The following FRMPD2 variants were observed in gnomAD, a reference collection of about 807,000 sequenced individuals.
The protein encoded by FRMPD2 is FERM and PDZ domain containing 2.
FRMPD2 carries 96 observed loss-of-function variants against 140.1 expected under a neutral mutation model. The observed-to-expected ratio is 0.69, with a 90% CI of 0.58 to 0.81. The LOEUF (loss-of-function observed/expected upper bound fraction) is 0.81, where lower values mean the gene tolerates loss of function less well. Ranked by LOEUF, FRMPD2 falls within the 40% of genes least tolerant of loss-of-function variation. FRMPD2 has a pLI of 0.00. For synonymous variants in FRMPD2, 449 were observed against 547.6 expected (o/e 0.82, Z 2.52); for missense variants, 1,240 against 1,447.4 (o/e 0.86, Z 2.32).
At chr10:48,206,613 G>T in intron 14 of FRMPD2, 135 bp downstream of exon 14, 1 of 697,964 alleles carries the variant, frequency 1.4e-6, no homozygotes. Context: ...CAGAATGCAG[G>T]TTAACAAACA....
At chr10:48,239,259 T>C (rs982073189) in intron 7 of FRMPD2, among the ~76,000 whole-genome samples, 8 of 152,250 alleles carry the variant, frequency 5.3e-5, no homozygotes, top group Non-Finnish European at 1.0e-4. Flanking sequence ...AAATTCATAA[T>C]TGTTGCTTTT....
intron 1 of FRMPD2, among the ~76,000 whole-genome samples, chr10:48,271,832 A>G (rs974426812): frequency 2.6e-5 from 4 of 152,240 alleles, no homozygotes; most frequent in Non-Finnish European, 5.9e-5. Flanking sequence ...CTCCGAGGTC[A>G]GAGCTGGATT....
chr10:48,198,390 T>C (rs1178362980), intron 15 of FRMPD2, among the ~76,000 whole-genome samples: 1 of 152,156 alleles, frequency 6.6e-6, no homozygotes, highest in African/African-American at 2.4e-5. Context: ...TAAATATAAA[T>C]GGAAGAAAAT....
At position 48,193,804 on chromosome 10, in the gene FRMPD2, T is replaced by G. The variant is rs183218276; in HGVS notation, c.1955-910A>C. On this transcript the variant is annotated intron_variant, in intron 15 of 28. Coordinates refer to ENST00000374201, the MANE Select transcript of FRMPD2 (RefSeq NM_001018071.4). ...CTAGAGCCTGGTGAAGTGCCTCCAT[T>G]TCAAGGATATCCATGGGCATATATT... is the stretch of plus-strand genomic sequence containing the variant. Among the ~76,000 whole-genome samples, 86 of 152,234 alleles carry G rather than the reference T, an allele frequency of 5.6e-4. 1 individual carries two copies. In the East Asian group the frequency reaches 0.012, roughly 22 times the overall value.
chr10:48,200,121 A>G (rs190039021), intron 15 of FRMPD2, among the ~76,000 whole-genome samples: 3 of 151,422 alleles, frequency 2.0e-5, no homozygotes, highest in Admixed American at 1.3e-4. Flanking sequence ...TTTATGTTTC[A>G]TAAGTAAATA....
At chr10:48,227,781 T>G (rs1189184837) in intron 10 of FRMPD2, among the ~76,000 whole-genome samples, 2 of 152,204 alleles carry the variant, frequency 1.3e-5, no homozygotes, top group African/African-American at 4.8e-5. Context: ...TTTTATAAAT[T>G]AACTGTTTTC....
At chr10:48,190,678 G>A (rs1325671416) in intron 16 of FRMPD2, among the ~76,000 whole-genome samples, 2 of 152,172 alleles carry the variant, frequency 1.3e-5, no homozygotes, top group Non-Finnish European at 2.9e-5. Flanking sequence ...CGGGTTACTG[G>A]TAACTTCTGA....
chr10:48,223,599 G>C (rs906975862), intron 10 of FRMPD2, among the ~76,000 whole-genome samples: 1 of 152,150 alleles, frequency 6.6e-6, no homozygotes, highest in East Asian at 1.9e-4. Flanking sequence ...CCAAGGAAAG[G>C]AGTTTGACTA....
chr10:48,202,048 C>T (rs1005183486), intron 14 of FRMPD2, among the ~76,000 whole-genome samples: 3 of 152,076 alleles, frequency 2.0e-5, no homozygotes, highest in Non-Finnish European at 4.4e-5. Context: ...TAATATTTGT[C>T]CAGCTCACTG....
At position 48,237,982 on chromosome 10, in the gene FRMPD2, T is replaced by C; in HGVS notation, c.921+9A>G. 1 of 1,614,124 alleles carries C rather than the reference T, an allele frequency of 6.2e-7. No individual in the cohort carries two copies. The highest frequency in any genetic ancestry group is 1.3e-5 in the African/African-American group (1 of 75,044). On this transcript the variant is annotated intron_variant, in intron 8 of 28. Coordinates refer to ENST00000374201, the MANE Select transcript of FRMPD2 (RefSeq NM_001018071.4). The stretch of plus-strand genomic sequence containing the variant: ...CTTGAGGAGTGTCCTTCAGCCTTAT[T>C]TTGCTTACCTTGCTCCTTCTTTGCA...
intron 1 of FRMPD2, among the ~76,000 whole-genome samples, chr10:48,264,305 G>C: frequency 6.6e-6 from 1 of 151,808 alleles, no homozygotes; most frequent in East Asian, 1.9e-4. Flanking sequence ...GGAAATAAAA[G>C]GTATATAAAT....
At chr10:48,161,571 A>T (rs565379955) in intron 28 of FRMPD2, among the ~76,000 whole-genome samples, 1 of 151,724 alleles carries the variant, frequency 6.6e-6, no homozygotes, top group East Asian at 1.9e-4. Context: ...GTGTAACTTT[A>T]AATGCTGGCC....
At chr10:48,185,249 G>C (rs916063341) in intron 18 of FRMPD2, among the ~76,000 whole-genome samples, 2 of 152,154 alleles carry the variant, frequency 1.3e-5, no homozygotes, top group African/African-American at 4.8e-5. Context: ...TAAGAGGTGA[G>C]ATAAATTGAC....
intron 12 of FRMPD2, among the ~76,000 whole-genome samples, chr10:48,220,593 T>C (rs566757953): frequency 3.4e-4 from 51 of 152,234 alleles, no homozygotes; most frequent in African/African-American, 1.2e-3. Flanking sequence ...TAGATGGGTC[T>C]TAATTAAACT....
intron 13 of FRMPD2, among the ~76,000 whole-genome samples, chr10:48,208,766 G>A (rs773484005): frequency 1.2e-4 from 18 of 152,172 alleles, no homozygotes; most frequent in Admixed American, 6.5e-4. Flanking sequence ...TCCTTTCAGA[G>A]GGTCATTTCC....
intron 12 of FRMPD2, among the ~76,000 whole-genome samples, chr10:48,221,856 G>T (rs1211520617): frequency 4.6e-5 from 7 of 151,910 alleles, no homozygotes; most frequent in Non-Finnish European, 5.9e-5. Context: ...GTAGATGGAT[G>T]GATAGGTAGA....
In FRMPD2 at chr10:48,232,305, G is replaced by GTT. The variant is rs1839870766; in HGVS notation, c.994-17_994-16insAA. On this transcript the variant is annotated splice_polypyrimidine_tract_variant and intron_variant, in intron 9 of 28. Transcript: ENST00000374201. ...CTTTTTTGGTCTGAAAACAACAACA[G>GTT]TATCAATTATACTACAATTATAAGT... is the stretch of plus-strand genomic sequence containing the variant. 2.5e-6 allele frequency: 4 copies of GTT among 1,583,440 alleles called. No individual in the cohort carries two copies. The African/African-American group carries it at 5.4e-5, about 21-fold the overall frequency.
intron 22 of FRMPD2, among the ~76,000 whole-genome samples, chr10:48,176,898 T>C (rs2652403): frequency 0.012 from 1,780 of 150,224 alleles, 19 homozygotes; most frequent in Non-Finnish European, 0.02. Flanking sequence ...AAACACATAT[T>C]CTTGCTCTAG....
intron 1 of FRMPD2, among the ~76,000 whole-genome samples, chr10:48,255,703 G>T (rs1192710313): frequency 6.6e-6 from 1 of 152,180 alleles, no homozygotes; most frequent in Non-Finnish European, 1.5e-5. Context: ...TGGTGTGGGG[G>T]ACATCTTAGC....
Sources: allele counts gnomAD v4.1 joint callset (sites outside exome capture counted in the v4.1 genomes callset), GRCh38; gene constraint gnomAD v4.1.1; transcripts MANE v1.5; gene names NCBI Gene and HGNC (gene_info 2026-07-23, HGNC 2026-07-21).